Variants in GRAMD1B observed in about 807,000 individuals in gnomAD.
GRAMD1B encodes protein Aster-B.
In GRAMD1B, 37 loss-of-function variants were observed where a neutral mutation model predicts 99.7. That is an observed-to-expected ratio of 0.37 (90% CI 0.29 to 0.49). The LOEUF is 0.49. GRAMD1B is among the 20% of genes least tolerant of loss of function. The pLI is 0.98. For missense variants in GRAMD1B, 888 were observed against 1,009.2 expected (o/e 0.88, Z 1.63); for synonymous variants, 427 against 387.6 (o/e 1.10, Z -1.19).
intron 1 of GRAMD1B, among the ~76,000 whole-genome samples, chr11:123,410,181 AAAAAGGAGCTTAT>A (rs757786627): frequency 6.6e-6 from 1 of 152,152 alleles, no homozygotes; most frequent in Non-Finnish European, 1.5e-5. Context: ...TGGGACAAGA[AAAAAGGAGCTTAT>A]AAAAGCAAAA....
At chr11:123,594,677 G>A (rs1372307545) in intron 5 of GRAMD1B, 58 bp from the exon 6 acceptor site, 2 of 859,672 alleles carry the variant, frequency 2.3e-6, no homozygotes, top group Non-Finnish European at 4.1e-6. Flanking sequence ...CTACTCTGCA[G>A]TGGTTTGCCG....
chr11:123,432,610 C>T (rs1237733411), intron 1 of GRAMD1B, among the ~76,000 whole-genome samples: 1 of 150,808 alleles, frequency 6.6e-6, no homozygotes, highest in Non-Finnish European at 1.5e-5. Context: ...ACATACTGTG[C>T]TGTGTGGTAC....
chr11:123,615,575 C>T (rs1249645412), intron 17 of GRAMD1B, among the ~76,000 whole-genome samples: 1 of 152,200 alleles, frequency 6.6e-6, no homozygotes, highest in Non-Finnish European at 1.5e-5. Context: ...GTCCCAGCTA[C>T]TCAGGAGGCT....
intron 7 of GRAMD1B, among the ~76,000 whole-genome samples, chr11:123,597,265 T>C (rs1951400760): frequency 1.0e-5 from 1 of 99,382 alleles, no homozygotes; most frequent in Admixed American, 1.2e-4. Context: ...CCTTTTTTTT[T>C]TTTTTTTTTT....
chr11:123,600,285 G>C (rs536121340), intron 7 of GRAMD1B, among the ~76,000 whole-genome samples, 183 bp from the exon 8 acceptor site: 17 of 152,258 alleles, frequency 1.1e-4, no homozygotes, highest in Middle Eastern at 6.8e-3. Context: ...ACAGTATCAG[G>C]TACCCAGGCC....
chr11:123,556,206 TA>T (rs1440400075), intron 2 of GRAMD1B, among the ~76,000 whole-genome samples: 1 of 152,246 alleles, frequency 6.6e-6, no homozygotes, highest in Non-Finnish European at 1.5e-5. Context: ...ATGATAGTTT[TA>T]AAACAATGAG....
intron 1 of GRAMD1B, among the ~76,000 whole-genome samples, chr11:123,462,719 C>A (rs1405361890): frequency 6.6e-6 from 1 of 152,020 alleles, no homozygotes; most frequent in Non-Finnish European, 1.5e-5. Context: ...TCCCTAATCT[C>A]AAGTAATCAG....
chr11:123,506,134 G>A (rs1206810984), intron 2 of GRAMD1B, among the ~76,000 whole-genome samples: 1 of 152,224 alleles, frequency 6.6e-6, no homozygotes, highest in Non-Finnish European at 1.5e-5. Context: ...CATGGGCGCA[G>A]CACTGCCCCT....
chr11:123,531,785 A>C (rs1404853173), intron 2 of GRAMD1B, among the ~76,000 whole-genome samples: 1 of 141,814 alleles, frequency 7.1e-6, no homozygotes, highest in African/African-American at 2.8e-5. Context: ...GCCCAGACTG[A>C]AGTGCAATGG....
chr11:123,560,052 TGAA>T (rs1353936180), intron 2 of GRAMD1B, among the ~76,000 whole-genome samples: 1 of 138,202 alleles, frequency 7.2e-6, no homozygotes, highest in African/African-American at 2.9e-5. Flanking sequence ...GGATTGAGGG[TGAA>T]GAGGAAATAA....
At chr11:123,485,857 G>C (rs372403921) in intron 2 of GRAMD1B, among the ~76,000 whole-genome samples, 1 of 151,944 alleles carries the variant, frequency 6.6e-6, no homozygotes, top group Non-Finnish European at 1.5e-5. Flanking sequence ...TGGGACTACA[G>C]GTGTGTGCCA....
At chr11:123,571,368 A>T (rs1015668917) in intron 2 of GRAMD1B, among the ~76,000 whole-genome samples, 3 of 152,174 alleles carry the variant, frequency 2.0e-5, no homozygotes, top group Admixed American at 6.5e-5. Context: ...GGGTGGGGGC[A>T]GGGATGCCGC....
At chr11:123,597,469 C>T (rs1461938493) in intron 7 of GRAMD1B, among the ~76,000 whole-genome samples, 2 of 152,040 alleles carry the variant, frequency 1.3e-5, no homozygotes, top group Non-Finnish European at 2.9e-5. Context: ...CTGGCTCATC[C>T]TCCTAGTCTT....
intron 2 of GRAMD1B, among the ~76,000 whole-genome samples, chr11:123,529,742 T>G (rs1943160705): frequency 6.6e-6 from 1 of 152,214 alleles, no homozygotes; most frequent in South Asian, 2.1e-4. Context: ...AAGATAGTCC[T>G]AATTCCTGTA....
intron 2 of GRAMD1B, among the ~76,000 whole-genome samples, chr11:123,575,831 T>G (rs1948647030): frequency 6.6e-6 from 1 of 152,188 alleles, no homozygotes; most frequent in Non-Finnish European, 1.5e-5. Context: ...GAAGAGCCTC[T>G]TTTGAAAGAG....
chr11:123,370,601 A>G (rs565897222), intron 1 of GRAMD1B, among the ~76,000 whole-genome samples: 82 of 152,120 alleles, frequency 5.4e-4, no homozygotes, highest in Non-Finnish European at 8.8e-4. Flanking sequence ...CAGCCTCCGA[A>G]AGTGCTGGGA....
chr11:123,608,147 G>A (rs1395646764), intron 11 of GRAMD1B: 1 of 224,428 alleles, frequency 4.5e-6, no homozygotes, highest in African/African-American at 2.3e-5. Context: ...CTGTAGTTAG[G>A]GATCACAGCC....
chr11:123,574,253 C>G (rs1369662228), intron 2 of GRAMD1B, among the ~76,000 whole-genome samples: 2 of 151,918 alleles, frequency 1.3e-5, no homozygotes, highest in Admixed American at 1.3e-4. Context: ...CCTTTAAGAG[C>G]ATATAAGGAG....
intron 17 of GRAMD1B, among the ~76,000 whole-genome samples, chr11:123,617,169 C>CTTTTTTTTTTTTTTTTTTTT (rs34788392): frequency 1.5e-5 from 2 of 133,684 alleles, no homozygotes; most frequent in Admixed American, 7.6e-5. Flanking sequence ...TCTTTCTTTC[C>CTTTTTTTTTTTTTTTTTTTT]TTTTTTTTTT....
Sources: gnomAD v4.1 joint callset for allele counts (sites outside exome capture counted in the v4.1 genomes callset) on GRCh38, gnomAD v4.1.1 for gene constraint, MANE v1.5 for transcripts, NCBI Gene and HGNC (gene_info 2026-07-23, HGNC 2026-07-21) for gene names.